The following TMEM232 variants were observed in gnomAD, a reference collection of about 807,000 sequenced individuals.
The protein encoded by TMEM232 is transmembrane protein 232.
In TMEM232, 80 loss-of-function variants were observed where a neutral mutation model predicts 78.8. The observed-to-expected ratio is 1.01, with a 90% CI of 0.85 to 1.22. TMEM232 has a LOEUF of 1.22. TMEM232 is among the 50% of genes most tolerant of loss of function. The probability of loss-of-function intolerance (pLI) is 0.00; values close to 1 mark genes in which losing one functional copy is unlikely to be tolerated. For synonymous variants in TMEM232, 297 were observed against 254.3 expected (o/e 1.17, Z -1.60); for missense variants, 881 against 742.2 (o/e 1.19, Z -2.17).
intron 12 of TMEM232, among the ~76,000 whole-genome samples, chr5:110,520,777 G>C (rs1408194779): frequency 6.6e-6 from 1 of 152,086 alleles, no homozygotes; most frequent in African/African-American, 2.4e-5. Context: ...AATTAGCCAG[G>C]CATGGTGTCG....
chr5:110,545,030 C>T (rs543895136), intron 11 of TMEM232, among the ~76,000 whole-genome samples: 1 of 152,152 alleles, frequency 6.6e-6, no homozygotes, highest in South Asian at 2.1e-4. Context: ...TTCCTTATCC[C>T]TGAAGTGGAA....
intron 2 of TMEM232, among the ~76,000 whole-genome samples, chr5:110,643,600 T>C (rs1340842490): frequency 1.3e-5 from 2 of 152,042 alleles, no homozygotes; most frequent in African/African-American, 2.4e-5. Context: ...AACTGTGTTT[T>C]TGTGAAGTAA....
At position 110,469,047 on chromosome 5, in the gene TMEM232, C is replaced by G. The variant is rs185309958; in HGVS notation, c.1704-44131G>C. On this transcript the variant is annotated intron_variant, in intron 12 of 13. Transcript: ENST00000455884. ...GTAAGCAATAGGATCCCAGCAGCCC[C>G]AATCAACATTTTGGAACCTAAAGTT... 2.6e-3 allele frequency among the ~76,000 whole-genome samples: 403 copies of G among 152,192 alleles called. 1 individual carries two copies. The highest frequency in any genetic ancestry group is 3.4e-3 in the Middle Eastern group (1 of 294).
chr5:110,603,000 A>T (rs2149817338), intron 10 of TMEM232, among the ~76,000 whole-genome samples: 1 of 152,278 alleles, frequency 6.6e-6, no homozygotes, highest in South Asian at 2.1e-4. Context: ...GGGGACATGG[A>T]TGAAGCTGGA....
chr5:110,734,895 A>G (rs369042221), intron 2 of TMEM232: 1 of 152,210 alleles, frequency 6.6e-6, no homozygotes, highest in African/African-American at 2.4e-5. Flanking sequence ...ACCTTTTAAA[A>G]TACTTACCAG....
intron 12 of TMEM232, among the ~76,000 whole-genome samples, chr5:110,504,530 TA>T: frequency 6.6e-6 from 1 of 152,348 alleles, no homozygotes; most frequent in Non-Finnish European, 1.5e-5. Context: ...AGGCTGCTGA[TA>T]ATTCCCAAGA....
At chr5:110,484,346 A>G (rs968042471) in intron 12 of TMEM232, among the ~76,000 whole-genome samples, 3 of 152,116 alleles carry the variant, frequency 2.0e-5, no homozygotes, top group Non-Finnish European at 4.4e-5. Context: ...GAAAAAATAT[A>G]ATGTTTAAAG....
intron 3 of TMEM232, among the ~76,000 whole-genome samples, chr5:110,397,080 C>T (rs1454200696): frequency 6.6e-6 from 1 of 152,124 alleles, no homozygotes; most frequent in Non-Finnish European, 1.5e-5. Context: ...ACACTATCTT[C>T]CCGTTATTTA....
At chr5:110,534,935 A>G (rs1415450560) in intron 11 of TMEM232, among the ~76,000 whole-genome samples, 3 of 151,920 alleles carry the variant, frequency 2.0e-5, no homozygotes, top group African/African-American at 7.3e-5. Context: ...ATCACCCCTT[A>G]CCACAAAATC....
At chr5:110,400,651 G>T (rs949082401) in intron 2 of TMEM232, among the ~76,000 whole-genome samples, 1 of 151,946 alleles carries the variant, frequency 6.6e-6, no homozygotes, top group African/African-American at 2.4e-5. Context: ...TGTAAATGCA[G>T]ATATGTAGAA....
chr5:110,637,230 A>C (rs1345310614), intron 5 of TMEM232, among the ~76,000 whole-genome samples: 7 of 151,498 alleles, frequency 4.6e-5, no homozygotes, highest in Admixed American at 4.6e-4. Context: ...TCATAAGCTC[A>C]CCATCCCAAA....
At chr5:110,638,942 G>A (rs954043386) in intron 4 of TMEM232, among the ~76,000 whole-genome samples, 4 of 152,156 alleles carry the variant, frequency 2.6e-5, no homozygotes, top group African/African-American at 4.8e-5. Context: ...AGGGCCAACC[G>A]GTGAAGCTGA....
At chr5:110,490,704 C>T (rs1253783167) in intron 12 of TMEM232, among the ~76,000 whole-genome samples, 1 of 152,018 alleles carries the variant, frequency 6.6e-6, no homozygotes, top group South Asian at 2.1e-4. Context: ...TGATTTTCAA[C>T]AAAGGTGCCA....
At chr5:110,564,781 G>A (rs896396638) in intron 11 of TMEM232, among the ~76,000 whole-genome samples, 1 of 151,898 alleles carries the variant, frequency 6.6e-6, no homozygotes, top group African/African-American at 2.4e-5. Context: ...GCCAAGTGCT[G>A]GACCTGTAGA....
chr5:110,651,952 G>A (rs1426074902), intron 2 of TMEM232, among the ~76,000 whole-genome samples: 1 of 152,034 alleles, frequency 6.6e-6, no homozygotes, highest in Non-Finnish European at 1.5e-5. Flanking sequence ...TATTTTTACT[G>A]TTGTACATAG....
chr5:110,462,654 C>T (rs1580781202), intron 12 of TMEM232, among the ~76,000 whole-genome samples: 1 of 152,164 alleles, frequency 6.6e-6, no homozygotes, highest in Non-Finnish European at 1.5e-5. Context: ...TGACTGGCTT[C>T]CTTGCTCCTC....
intron 7 of TMEM232, among the ~76,000 whole-genome samples, chr5:110,621,592 A>G (rs771712966): frequency 1.3e-5 from 2 of 152,140 alleles, no homozygotes; most frequent in African/African-American, 2.4e-5. Context: ...GAAATTTAAA[A>G]ATAAATTAGG....
At chr5:110,586,698 C>T (rs1778857012) in intron 10 of TMEM232, among the ~76,000 whole-genome samples, 3 of 152,076 alleles carry the variant, frequency 2.0e-5, no homozygotes, top group Admixed American at 1.3e-4. Context: ...AGCAATGCTT[C>T]CCTGAAAGAT....
intron 12 of TMEM232, among the ~76,000 whole-genome samples, chr5:110,438,489 C>G (rs914174723): frequency 4.0e-5 from 6 of 151,844 alleles, no homozygotes; most frequent in African/African-American, 1.5e-4. Context: ...TAGATTTGCC[C>G]TCCACTTAAC....
Sources: gnomAD v4.1 joint callset for allele counts (sites outside exome capture counted in the v4.1 genomes callset) on GRCh38, gnomAD v4.1.1 for gene constraint, MANE v1.5 for transcripts, NCBI Gene and HGNC (gene_info 2026-07-23, HGNC 2026-07-21) for gene names.